The following MYH7B variants were observed in gnomAD, a reference collection of about 807,000 sequenced individuals.
MYH7B encodes the protein myosin heavy chain 7B.
In MYH7B, 205 loss-of-function variants were observed where a neutral mutation model predicts 234.5. The observed-to-expected ratio is 0.87, with a 90% CI of 0.78 to 0.98. MYH7B has a LOEUF of 0.98. MYH7B is among the 50% of genes least tolerant of loss of function. The pLI is 0.00. For synonymous variants in MYH7B, 1,193 were observed against 1,105.0 expected, an observed-to-expected ratio of 1.08 and a Z score of -1.58; for missense variants, 2,652 against 2,633.4, an observed-to-expected ratio of 1.01 and a Z score of -0.15.
intron 19 of MYH7B, among the ~76,000 whole-genome samples, chr20:34,988,675 A>G (rs565178675): frequency 6.6e-6 from 1 of 152,148 alleles, no homozygotes; most frequent in Non-Finnish European, 1.5e-5. Context: ...AACATTATGT[A>G]TATTTACCCA....
rs2147198602 is a variant in MYH7B at position 34,988,013 on chromosome 20, G to A, written c.1417-79G>A. The A allele has an allele frequency of 4.5e-6, 7 of 1,568,734 alleles. No homozygotes were observed. In the Admixed American group the frequency reaches 1.1e-4, roughly 24 times the overall value. On this transcript the variant is annotated intron_variant, in intron 18 of 44. Transcript: ENST00000262873. Reference sequence around the variant, plus strand: ...CCTGGCCTTCTGCCTGGAAGTTGGGGGTGAACTCATGCCCCTCCCCGGGCC... The same window carrying A: ...CCTGGCCTTCTGCCTGGAAGTTGGGAGTGAACTCATGCCCCTCCCCGGGCC...
chr20:35,002,294 G>A, exon 45 of MYH7B: 1 of 1,298,600 alleles, frequency 7.7e-7, no homozygotes, highest in Non-Finnish European at 1.0e-6. Flanking sequence ...GCTGCCTTCA[G>A]CCTTCCCTGG....
chr20:35,002,000 T>C, exon 44 of MYH7B: 1 of 1,614,052 alleles, frequency 6.2e-7, no homozygotes, highest in South Asian at 1.1e-5. Context: ...CAGCACGAGC[T>C]GGATGATGCG....
rs1214758148 is a variant in MYH7B, at chr20:34,996,406, G to T, written c.3004G>T (p.Glu1002Ter). The T allele has an allele frequency of 6.2e-7, 1 of 1,613,040 alleles. No homozygotes were observed. Among genetic ancestry groups the T allele is most frequent in the South Asian group, 1.1e-5 (1 of 90,996 alleles). ...CGAGTCAGTGGCCCGGCTGACCAAG[G>T]AGAAGAAGGCGTTGCAGGAGGCCCA... Residue 1002 changes from glutamate to a stop codon, truncating the protein, a stop_gained, in exon 29 of 45, where the codon GAG becomes TAG. Coordinates refer to ENST00000262873, the Ensembl canonical transcript of MYH7B. LOFTEE classifies it high-confidence loss of function.
At chr20:34,999,238 G>C in exon 36 of MYH7B, 1 of 1,609,272 alleles carries the variant, frequency 6.2e-7, no homozygotes, top group Non-Finnish European at 8.5e-7. Context: ...CACTTGGAAC[G>C]GGCACTGGAG....
intron 32 of MYH7B, among the ~76,000 whole-genome samples, chr20:34,998,038 G>A (rs543380039): frequency 6.6e-6 from 1 of 152,228 alleles, no homozygotes; most frequent in Admixed American, 6.5e-5. Context: ...ATTGTCCCCA[G>A]GTGACTCCGC....
chr20:34,964,975 C>T (rs1382246539), intron 2 of MYH7B, among the ~76,000 whole-genome samples: 1 of 148,254 alleles, frequency 6.7e-6, no homozygotes, highest in African/African-American at 2.7e-5. Context: ...CTCTTATGTG[C>T]CAGGCACTTA....
intron 32 of MYH7B, 91 bp downstream of exon 32, chr20:34,997,731 C>A: frequency 6.7e-7 from 1 of 1,486,242 alleles, no homozygotes; most frequent in Non-Finnish European, 9.1e-7. Context: ...AGCCTCCACC[C>A]AGTACCTTAT....
At chr20:34,957,520 G>C (rs36208864) in intron 1 of MYH7B, among the ~76,000 whole-genome samples, 4 of 96,594 alleles carry the variant, frequency 4.1e-5, no homozygotes, top group East Asian at 5.7e-4. Flanking sequence ...CGGAGTTTTC[G>C]TTGTTGTTGC....
intron 26 of MYH7B, 67 bp downstream of exon 26, chr20:34,993,537 T>C: frequency 6.9e-7 from 1 of 1,452,504 alleles, no homozygotes; most frequent in Non-Finnish European, 9.1e-7. Context: ...ACCCACTGGC[T>C]CTCCCAACCC....
intron 37 of MYH7B, 45 bp downstream of exon 37, chr20:34,999,740 C>T: frequency 6.3e-7 from 1 of 1,596,766 alleles, no homozygotes; most frequent in South Asian, 1.1e-5. Context: ...ACCTGCTGCT[C>T]CACTGGCCAT....
At chr20:34,983,309 T>C (rs1437165442) in intron 10 of MYH7B, among the ~76,000 whole-genome samples, 5 of 130,908 alleles carry the variant, frequency 3.8e-5, no homozygotes, top group Admixed American at 8.3e-5. Context: ...TTTTTTTTTT[T>C]TTTTTTTTGC....
exon 32 of MYH7B, chr20:34,997,283 G>C: frequency 6.4e-7 from 1 of 1,556,520 alleles, no homozygotes; most frequent in Non-Finnish European, 8.7e-7. Flanking sequence ...AGGAGCTGGA[G>C]GCAGAGCGGG....
chr20:34,997,295 A>C, exon 32 of MYH7B: 4 of 1,555,384 alleles, frequency 2.6e-6, no homozygotes, highest in Non-Finnish European at 3.5e-6. Flanking sequence ...CAGAGCGGGC[A>C]GCCCGGGCCC....
intron 1 of MYH7B, among the ~76,000 whole-genome samples, chr20:34,957,075 C>T (rs889020520): frequency 4.6e-5 from 7 of 152,084 alleles, no homozygotes; most frequent in African/African-American, 1.7e-4. Context: ...AAACGAGCAG[C>T]GAAGGCATAT....
chr20:34,977,925 A>C lies in MYH7B; in HGVS notation c.-72-9A>C. The stretch of plus-strand genomic sequence containing the variant: ...CTAGTTCAGCTCCCTTGTCACTGCC[A>C]TCTTCCAGTGCCTGCTGCCTTGGGC... On this transcript the variant is annotated splice_polypyrimidine_tract_variant and intron_variant, in intron 4 of 44. Coordinates refer to ENST00000262873, the Ensembl canonical transcript of MYH7B. 2 of 1,613,334 alleles carry C rather than the reference A, an allele frequency of 1.2e-6. No homozygotes were observed. Among genetic ancestry groups the C allele is most frequent in the South Asian group, 2.2e-5 (2 of 91,066 alleles).
At chr20:34,980,884 G>GCTGA in intron 8 of MYH7B, 149 bp from the exon 9 acceptor site, 1 of 1,483,588 alleles carries the variant, frequency 6.7e-7, no homozygotes, top group African/African-American at 1.4e-5. Flanking sequence ...CCGCATGGGA[G>GCTGA]CTGACCTCCA....
At chr20:34,963,745 A>T (rs2081719005) in intron 2 of MYH7B, among the ~76,000 whole-genome samples, 1 of 152,138 alleles carries the variant, frequency 6.6e-6, no homozygotes, top group African/African-American at 2.4e-5. Context: ...TTTTGAGTTA[A>T]TTTTTATATA....
rs1352458933 is a variant in MYH7B at position 34,977,580 on chromosome 20, G to A, written c.-121-52G>A. 6 of 1,537,628 alleles carry A rather than the reference G, an allele frequency of 3.9e-6. No individual in the cohort carries two copies. In the Admixed American group the frequency reaches 7.8e-5, roughly 20 times the overall value. On this transcript the variant is annotated intron_variant, in intron 3 of 44. Transcript: ENST00000262873. ...TGTGTCCTGTGGCCAGGCTGGGGGG[G>A]CTGTGACACGTGGAGATTGCTGACA... is the stretch of plus-strand genomic sequence containing the variant.
Sources: allele counts gnomAD v4.1 joint callset (sites outside exome capture counted in the v4.1 genomes callset), GRCh38; gene constraint gnomAD v4.1.1; transcripts MANE v1.5; gene names NCBI Gene and HGNC (gene_info 2026-07-23, HGNC 2026-07-21).